Variants in ADGRL3 observed in about 807,000 individuals in gnomAD.
ADGRL3 encodes calcium-independent alpha-latrotoxin receptor 3.
ADGRL3 carries 62 observed loss-of-function variants against 153.5 expected under a neutral mutation model. That is an observed-to-expected ratio of 0.40 (90% CI 0.33 to 0.50). ADGRL3 has a LOEUF of 0.50. Ranked by LOEUF, ADGRL3 falls within the 20% of genes least tolerant of loss-of-function variation. ADGRL3 has a pLI of 0.47. For synonymous variants in ADGRL3, 710 were observed against 672.5 expected, an observed-to-expected ratio of 1.06 and a Z score of -0.86; for missense variants, 1,641 against 1,859.4, an observed-to-expected ratio of 0.88 and a Z score of 2.16.
chr4:61,442,201 T>A (rs1196131927), intron 2 of ADGRL3, among the ~76,000 whole-genome samples: 2 of 152,144 alleles, frequency 1.3e-5, no homozygotes, highest in African/African-American at 2.4e-5. Flanking sequence ...AGTTGGTTAT[T>A]TTGTATGGAA....
chr4:61,786,371 G>A (rs1046736901), intron 8 of ADGRL3, among the ~76,000 whole-genome samples: 2 of 152,194 alleles, frequency 1.3e-5, no homozygotes, highest in African/African-American at 4.8e-5. Flanking sequence ...GGCAAGCACT[G>A]TGAGGATGTA....
At chr4:61,261,473 T>C (rs1449030839) in intron 1 of ADGRL3, among the ~76,000 whole-genome samples, 1 of 152,140 alleles carries the variant, frequency 6.6e-6, no homozygotes, top group African/African-American at 2.4e-5. Context: ...TTGGAATTTT[T>C]TCTGAATATT....
At chr4:61,599,317 C>T (rs138539641) in intron 5 of ADGRL3, among the ~76,000 whole-genome samples, 1 of 152,262 alleles carries the variant, frequency 6.6e-6, no homozygotes, top group East Asian at 1.9e-4. Flanking sequence ...TTATCATCTA[C>T]AGTGAAACAA....
intron 1 of ADGRL3, among the ~76,000 whole-genome samples, chr4:61,252,339 C>T (rs1759617535): frequency 6.6e-6 from 1 of 152,104 alleles, no homozygotes; most frequent in Non-Finnish European, 1.5e-5. Context: ...TTTTTCTTAA[C>T]TCAGTATGTT....
At chr4:61,337,874 C>T (rs2095712877) in intron 1 of ADGRL3, among the ~76,000 whole-genome samples, 1 of 152,104 alleles carries the variant, frequency 6.6e-6, no homozygotes, top group African/African-American at 2.4e-5. Flanking sequence ...CTCTTAAACA[C>T]ATACTCTCTC....
At chr4:61,908,560 A>G (rs1267591678) in intron 11 of ADGRL3, among the ~76,000 whole-genome samples, 1 of 150,786 alleles carries the variant, frequency 6.6e-6, no homozygotes, top group African/African-American at 2.4e-5. Flanking sequence ...GTGAGCCGAG[A>G]TCATGCCATT....
intron 11 of ADGRL3, among the ~76,000 whole-genome samples, chr4:61,903,241 C>T (rs554374051): frequency 6.6e-6 from 1 of 152,202 alleles, no homozygotes; most frequent in South Asian, 2.1e-4. Flanking sequence ...ATTAGTATTC[C>T]GTTGTACCTT....
intron 4 of ADGRL3, among the ~76,000 whole-genome samples, chr4:61,576,484 TG>T (rs2098883870): frequency 6.6e-6 from 1 of 150,952 alleles, no homozygotes; most frequent in Non-Finnish European, 1.5e-5. Context: ...GGCAATGATC[TG>T]GGCTTTCATA....
At chr4:61,303,785 G>T (rs1020227712) in intron 1 of ADGRL3, among the ~76,000 whole-genome samples, 3 of 152,030 alleles carry the variant, frequency 2.0e-5, no homozygotes, top group Non-Finnish European at 2.9e-5. Context: ...AGACTCTCTA[G>T]TACAGTTTGA....
chr4:61,996,949 T>C (rs1028253259), intron 20 of ADGRL3, among the ~76,000 whole-genome samples: 8 of 152,114 alleles, frequency 5.3e-5, no homozygotes, highest in African/African-American at 1.9e-4. Flanking sequence ...GTTAGTATAA[T>C]TGCTTATGTA....
chr4:62,019,596 T>G (rs2099228638), intron 21 of ADGRL3, among the ~76,000 whole-genome samples: 1 of 152,136 alleles, frequency 6.6e-6, no homozygotes, highest in Non-Finnish European at 1.5e-5. Context: ...TCAATTTCTT[T>G]TAACAATTTG....
intron 8 of ADGRL3, among the ~76,000 whole-genome samples, chr4:61,750,182 TAAAAAAAAA>T (rs60768535): frequency 2.1e-5 from 2 of 94,614 alleles, no homozygotes; most frequent in Non-Finnish European, 4.4e-5. Context: ...AGGGGATGGT[TAAAAAAAAA>T]AAAAAAAAAA....
chr4:61,755,854 C>G (rs1035258454), intron 8 of ADGRL3, among the ~76,000 whole-genome samples: 33 of 152,132 alleles, frequency 2.2e-4, no homozygotes, highest in Admixed American at 2.0e-3. Flanking sequence ...CCAGTTTTCC[C>G]AGCACCATTT....
At chr4:61,281,146 C>T (rs2093706534) in intron 1 of ADGRL3, among the ~76,000 whole-genome samples, 1 of 151,368 alleles carries the variant, frequency 6.6e-6, no homozygotes, top group African/African-American at 2.4e-5. Context: ...GCCTTATCAT[C>T]AAAGTAATAA....
intron 9 of ADGRL3, among the ~76,000 whole-genome samples, chr4:61,858,301 A>G (rs1195056434): frequency 2.0e-5 from 3 of 152,138 alleles, no homozygotes; most frequent in Non-Finnish European, 4.4e-5. Flanking sequence ...TATATAAACA[A>G]ATGAGCATGG....
At chr4:61,778,674 A>G (rs2097180357) in intron 8 of ADGRL3, among the ~76,000 whole-genome samples, 1 of 152,234 alleles carries the variant, frequency 6.6e-6, no homozygotes, top group African/African-American at 2.4e-5. Context: ...TATTAATATT[A>G]ACCATTAGTA....
intron 23 of ADGRL3, among the ~76,000 whole-genome samples, chr4:62,035,295 C>T (rs1724386157): frequency 6.6e-6 from 1 of 151,902 alleles, no homozygotes; most frequent in African/African-American, 2.4e-5. Context: ...ATGCAAATAG[C>T]CCACGATGAA....
intron 1 of ADGRL3, among the ~76,000 whole-genome samples, chr4:61,218,268 A>T (rs1401441573): frequency 6.6e-6 from 1 of 152,188 alleles, no homozygotes; most frequent in East Asian, 1.9e-4. Context: ...TATATTTAGA[A>T]TCATTAATCG....
intron 1 of ADGRL3, among the ~76,000 whole-genome samples, chr4:61,254,439 A>C (rs1378584179): frequency 6.6e-6 from 1 of 152,176 alleles, no homozygotes; most frequent in Non-Finnish European, 1.5e-5. Context: ...TTATTTTAAA[A>C]TCTTGAATGC....
Sources: allele counts gnomAD v4.1 joint callset (sites outside exome capture counted in the v4.1 genomes callset), GRCh38; gene constraint gnomAD v4.1.1; transcripts MANE v1.5; gene names NCBI Gene and HGNC (gene_info 2026-07-23, HGNC 2026-07-21).